APEH: variants seen among roughly 807,000 people sequenced by gnomAD.
The protein encoded by APEH is acylaminoacyl-peptide hydrolase.
In APEH, 75 loss-of-function variants were observed where a neutral mutation model predicts 102.7. The observed-to-expected ratio is 0.73, with a 90% confidence interval of 0.61 to 0.89. The LOEUF (loss-of-function observed/expected upper bound fraction) is 0.89, where lower values mean the gene tolerates loss of function less well. APEH is among the 40% of genes least tolerant of loss of function. The pLI, the probability that APEH is intolerant of heterozygous loss-of-function variation, is 0.00. For synonymous variants in APEH, 344 were observed against 362.7 expected (o/e 0.95, Z 0.59); for missense variants, 863 against 941.2 (o/e 0.92, Z 1.09).
At chr3:49,677,180 G>T (rs915698162) in intron 10 of APEH, among the ~76,000 whole-genome samples, 156 bp downstream of exon 10, 1 of 152,214 alleles carries the variant, frequency 6.6e-6, no homozygotes, top group African/African-American at 2.4e-5. Context: ...TCCTCTCAAG[G>T]AGGGCCTAGA....
chr3:49,680,660 G>C (rs755460994), intron 14 of APEH, 31 bp downstream of exon 14: 1 of 1,595,080 alleles, frequency 6.3e-7, no homozygotes, highest in Admixed American at 1.7e-5. Context: ...GGCTGTGGAG[G>C]CAGGGGTTCT....
chr3:49,675,640 G>A, intron 3 of APEH, 54 bp from the exon 4 acceptor site: 1 of 1,505,248 alleles, frequency 6.6e-7, no homozygotes. Context: ...CCAGTAGGGA[G>A]CAGGAAGGGG....
intron 11 of APEH, among the ~76,000 whole-genome samples, chr3:49,678,465 CT>C (rs1273244577): frequency 4.6e-5 from 7 of 152,168 alleles, no homozygotes; most frequent in Admixed American, 6.5e-5. Context: ...ACTGAGCCCC[CT>C]GTGCCAAGCG....
At position 49,682,697 on chromosome 3, in the gene APEH, A is replaced by T; in HGVS notation, c.1844A>T (p.Asn615Ile). The T allele has an allele frequency of 3.1e-6, 5 of 1,613,960 alleles. No individual in the cohort carries two copies. The highest frequency in any genetic ancestry group is 4.2e-6 in the Non-Finnish European group (5 of 1,180,006). Residue 615 changes from asparagine to isoleucine, a missense_variant, in exon 19 of 22, where the codon AAC becomes ATC. Transcript: ENST00000296456. ...RACVARNPVINIASMLGSTDI... is the reference protein window; with the variant it reads ...RACVARNPVIIIASMLGSTDI... ...TGCGTGGCCCGGAACCCCGTGATCAACATCGCCTCCATGTTGGGCTCCACT... is the reference window on the plus strand; with the variant it reads ...TGCGTGGCCCGGAACCCCGTGATCATCATCGCCTCCATGTTGGGCTCCACT...
chr3:49,676,879 T>TG (rs1343599214), intron 9 of APEH, 24 bp from the exon 10 acceptor site: 9 of 1,614,250 alleles, frequency 5.6e-6, no homozygotes, highest in Non-Finnish European at 6.8e-6. Flanking sequence ...GCCTGCGTGA[T>TG]GCTCATGTTT....
chr3:49,681,453 A>C (rs1018888868), intron 15 of APEH, among the ~76,000 whole-genome samples: 6 of 152,214 alleles, frequency 3.9e-5, no homozygotes, highest in Non-Finnish European at 8.8e-5. Flanking sequence ...AGGCCAAATC[A>C]TCTGTGGTTG....
At position 49,683,323 on chromosome 3, in the gene APEH, G is replaced by C. The variant is rs1288299370; in HGVS notation, c.2180G>C (p.Arg727Pro). ...DSFMNAVLWLRTHLGS is the reference protein window; with the variant it reads ...DSFMNAVLWLPTHLGS Reference sequence around the variant, plus strand: ...TTCATGAATGCTGTGCTCTGGCTACGCACACACTTGGGCAGCTGAAGCCCT... The same window carrying C: ...TTCATGAATGCTGTGCTCTGGCTACCCACACACTTGGGCAGCTGAAGCCCT... The change falls in exon 22 of 22, where the codon CGC (arginine) becomes CCC (proline). Residue 727 changes from arginine (R) to proline (P), a missense_variant. By Grantham distance (103) the Arg-to-Pro change is moderately radical (BLOSUM62 -2). Transcript: ENST00000296456. The C allele has an allele frequency of 6.2e-7, 1 of 1,613,318 alleles. No homozygotes were observed. The highest frequency in any genetic ancestry group is 1.1e-5 in the South Asian group (1 of 91,062).
chr3:49,680,040 G>A (rs2053247554), intron 13 of APEH: 1 of 238,710 alleles, frequency 4.2e-6, no homozygotes, highest in Non-Finnish European at 8.5e-6. Context: ...CCCAGGAAAA[G>A]CCCAGTGTTG....
At chr3:49,673,233 A>T (rs893235852), upstream of APEH, among the ~76,000 whole-genome samples, 7 of 151,508 alleles carry the variant, frequency 4.6e-5, no homozygotes, top group African/African-American at 1.2e-4. Context: ...CAGGGCCCTG[A>T]ATGTGGAAGA....
chr3:49,680,843 G>T lies in APEH; in HGVS notation c.1299+214G>T, dbSNP rs540156894. On this transcript the variant is annotated intron_variant, in intron 14 of 21. Transcript: ENST00000296456. ...CTCCGTACAAAACAAGGTGCCTGGGGAAGTGCTCTGTCTTGGTATTACAGA... is the reference window on the plus strand; with the variant it reads ...CTCCGTACAAAACAAGGTGCCTGGGTAAGTGCTCTGTCTTGGTATTACAGA... Among the ~76,000 whole-genome samples the T allele has an allele frequency of 9.2e-5, 14 of 152,366 alleles. No homozygotes were observed. In the South Asian group the frequency reaches 1.9e-3, roughly 20 times the overall value.
chr3:49,674,430 C>CGGTCCCCGT lies in APEH; in HGVS notation c.12+24_12+32dup, dbSNP rs777312324. ...GAACGTCAGGTGAGGGCTCGGCCCG[C>CGGTCCCCGT]GGTCCCCGTGGTCCCTGCAGCCCGG... On this transcript the variant is annotated intron_variant, in intron 1 of 21. Transcript: ENST00000296456. 1.5e-3 allele frequency: 2,331 copies of CGGTCCCCGT among 1,572,708 alleles called. 2 individuals are homozygous for CGGTCCCCGT. The highest frequency in any genetic ancestry group is 3.7e-3 in the Middle Eastern group (21 of 5,614).
In APEH at chr3:49,682,329, G is replaced by C. The variant is rs746464642; in HGVS notation, c.1604-19G>C. The C allele has an allele frequency of 6.2e-7, 1 of 1,601,492 alleles. No individual in the cohort carries two copies. Among genetic ancestry groups the C allele is most frequent in the Admixed American group, 1.7e-5 (1 of 59,576 alleles). On this transcript the variant is annotated intron_variant, in intron 17 of 21. Coordinates refer to ENST00000296456, the MANE Select transcript of APEH (RefSeq NM_001640.4). Reference sequence around the variant, plus strand: ...GGAATGTTGCCTGACTACACTGTCTGGTCCCTCCCTGCCCTCAGTGAACTA... The same window carrying C: ...GGAATGTTGCCTGACTACACTGTCTCGTCCCTCCCTGCCCTCAGTGAACTA...
upstream of APEH, among the ~76,000 whole-genome samples, chr3:49,673,379 T>TC (rs2052861916): frequency 6.6e-6 from 1 of 152,008 alleles, no homozygotes; most frequent in Non-Finnish European, 1.5e-5. Flanking sequence ...CACAGGAAGC[T>TC]CCCTGGTCCT....
At chr3:49,675,667 C>G in intron 3 of APEH, 27 bp from the exon 4 acceptor site, 2 of 1,592,028 alleles carry the variant, frequency 1.3e-6, no homozygotes, top group Admixed American at 3.3e-5. Context: ...CAAGATAATC[C>G]TGACCTGTGC....
chr3:49,676,154 G>A lies in APEH; in HGVS notation c.541G>A (p.Ala181Thr). The A allele has an allele frequency of 1.2e-6, 2 of 1,614,220 alleles. No individual in the cohort carries two copies. Among genetic ancestry groups the A allele is most frequent in the South Asian group, 1.1e-5 (1 of 91,090 alleles). ...GGCCGAGTCCTTCTTTCAGACCAAA[G>A]CCTTGGACGTCAGTGCCAGCGATGA... ...PKAESFFQTKALDVSASDDEI... is the reference protein window; with the variant it reads ...PKAESFFQTKTLDVSASDDEI... The change falls in exon 6 of 22, where the codon GCC becomes ACC. Residue 181 changes from alanine (A) to threonine (T), a missense_variant. Transcript: ENST00000296456.
Position 49,674,391 on chromosome 3 carries a change from G to C in APEH, c.-11G>C. ...CACGCCCCGCCTCGCCCCGGCGGCA[G>C]AGAGGAGACTATGGAACGTCAGGTG... is the stretch of plus-strand genomic sequence containing the variant. On this transcript the variant is annotated 5_prime_UTR_variant, in exon 1 of 22. Coordinates refer to ENST00000296456, the MANE Select transcript of APEH (RefSeq NM_001640.4). 6.4e-7 allele frequency: 1 copy of C among 1,573,986 alleles called. No individual in the cohort carries two copies. Among genetic ancestry groups the C allele is most frequent in the Non-Finnish European group, 8.6e-7 (1 of 1,166,604 alleles).
Position 49,676,605 on chromosome 3 carries a change from A to G in APEH, c.745-4A>G, listed in dbSNP as rs2053066933. The G allele has an allele frequency of 1.9e-6, 3 of 1,614,202 alleles. No homozygotes were observed. In the African/African-American group the frequency reaches 4.0e-5, roughly 22 times the overall value. On this transcript the variant is annotated splice_region_variant and splice_polypyrimidine_tract_variant and intron_variant, in intron 7 of 21. Transcript: ENST00000296456. ...TCACTCCTGCCCTTTGATCCTGTTT[A>G]CAGGCATTTTGGGCCCCTGGAGATG...
In APEH at chr3:49,681,723, T is replaced by G; in HGVS notation, c.1440T>G (p.Ala480=). Residue 480 remains alanine (A), a splice_region_variant and synonymous_variant, in exon 16 of 22, where the codon GCT becomes GCG. Transcript: ENST00000296456. The part of the protein sequence containing the change: ...PPPEQENVQY[A]GLDFEAILLQ... The stretch of plus-strand genomic sequence containing the variant: ...CTGACTGCTGCCCTCTCCCTGCAGC[T>G]GGCCTTGACTTTGAAGCAATCCTGC... 7 of 1,580,694 alleles carry G rather than the reference T, an allele frequency of 4.4e-6. No homozygotes were observed. Among genetic ancestry groups the G allele is most frequent in the Non-Finnish European group, 6.0e-6 (7 of 1,161,666 alleles).
At chr3:49,681,686 A>T in intron 15 of APEH, 36 bp from the exon 16 acceptor site, 2 of 1,502,776 alleles carry the variant, frequency 1.3e-6, no homozygotes, top group Non-Finnish European at 1.8e-6. Context: ...GGAAGCCCCT[A>T]GGCTCACCCT....
Sources: allele counts gnomAD v4.1 joint callset (sites outside exome capture counted in the v4.1 genomes callset), GRCh38; gene constraint gnomAD v4.1.1; transcripts MANE v1.5; gene names NCBI Gene and HGNC (gene_info 2026-07-23, HGNC 2026-07-21).